The following RNF150 variants were observed in gnomAD, a reference collection of about 807,000 sequenced individuals.
RNF150 encodes ring finger protein 150.
RNF150 carries 24 observed loss-of-function variants against 39.3 expected under a neutral mutation model. That is an observed-to-expected ratio of 0.61 (90% CI 0.44 to 0.86). The LOEUF (loss-of-function observed/expected upper bound fraction) is 0.86, where lower values mean the gene tolerates loss of function less well. RNF150 is among the 40% of genes least tolerant of loss of function. The pLI is 0.00. For missense variants in RNF150, 502 were observed against 587.8 expected (o/e 0.85, Z 1.51); for synonymous variants, 255 against 227.3 (o/e 1.12, Z -1.10).
chr4:140,891,557 C>G (rs1045818022), intron 6 of RNF150, among the ~76,000 whole-genome samples: 1 of 152,176 alleles, frequency 6.6e-6, no homozygotes, highest in African/African-American at 2.4e-5. Context: ...ATTCCTCCCC[C>G]TCCTTTAGCA....
At chr4:140,941,067 A>G (rs1732064206) in intron 4 of RNF150, among the ~76,000 whole-genome samples, 2 of 152,226 alleles carry the variant, frequency 1.3e-5, no homozygotes, top group South Asian at 4.1e-4. Context: ...TAAAAGCAAA[A>G]GAAGAAAAAA....
upstream of RNF150, among the ~76,000 whole-genome samples, chr4:141,135,264 A>G (rs1244379967): frequency 6.6e-6 from 1 of 152,260 alleles, no homozygotes; most frequent in Admixed American, 6.5e-5. Context: ...TATATACCAT[A>G]GCTCTCTCCA....
chr4:141,063,229 T>C (rs1737307827), intron 1 of RNF150, among the ~76,000 whole-genome samples: 1 of 152,244 alleles, frequency 6.6e-6, no homozygotes, highest in African/African-American at 2.4e-5. Context: ...TTTTTATTTA[T>C]AGCATATCTT....
chr4:141,212,427 A>G (rs186336173), intron 1 of RNF150, among the ~76,000 whole-genome samples: 1 of 152,282 alleles, frequency 6.6e-6, no homozygotes, highest in Admixed American at 6.5e-5. Context: ...CCACTGCAGA[A>G]TACAGCAGTG....
chr4:140,953,747 A>T (rs114775385), intron 2 of RNF150, among the ~76,000 whole-genome samples: 1,934 of 152,318 alleles, frequency 0.013, 54 homozygotes, highest in African/African-American at 0.044. Context: ...TTTCAATATT[A>T]AAAAAATCTC....
At chr4:141,068,094 C>T (rs528797609) in intron 1 of RNF150, among the ~76,000 whole-genome samples, 7 of 152,098 alleles carry the variant, frequency 4.6e-5, no homozygotes, top group Middle Eastern at 3.4e-3. Flanking sequence ...TCCAAGTATG[C>T]GTCACCATGC....
intron 4 of RNF150, among the ~76,000 whole-genome samples, chr4:140,927,203 T>C (rs1731432863): frequency 6.6e-6 from 1 of 152,142 alleles, no homozygotes; most frequent in African/African-American, 2.4e-5. Context: ...ATTGGCTGCA[T>C]AGAGGATATG....
chr4:140,980,526 T>C (rs1733820640), intron 1 of RNF150, among the ~76,000 whole-genome samples: 1 of 152,114 alleles, frequency 6.6e-6, no homozygotes, highest in African/African-American at 2.4e-5. Flanking sequence ...CCCCCAGATC[T>C]CATCTTGAAT....
At chr4:141,014,211 T>C (rs1046772046) in intron 1 of RNF150, among the ~76,000 whole-genome samples, 5 of 152,338 alleles carry the variant, frequency 3.3e-5, no homozygotes, top group Middle Eastern at 3.4e-3. Context: ...TATGTACATA[T>C]ATGCAATATT....
chr4:140,921,524 A>C (rs941286899), intron 5 of RNF150, among the ~76,000 whole-genome samples: 1 of 152,174 alleles, frequency 6.6e-6, no homozygotes, highest in African/African-American at 2.4e-5. Context: ...TTCACAGCCG[A>C]ATTCTACCAG....
At chr4:141,018,704 G>T (rs1735371357) in intron 1 of RNF150, among the ~76,000 whole-genome samples, 1 of 151,998 alleles carries the variant, frequency 6.6e-6, no homozygotes. Context: ...GCTCAGAAAG[G>T]GTCCCCAGCT....
At chr4:141,207,312 C>T (rs1337342655) in intron 1 of RNF150, among the ~76,000 whole-genome samples, 1 of 151,978 alleles carries the variant, frequency 6.6e-6, no homozygotes, top group Non-Finnish European at 1.5e-5. Context: ...TTGCATGAGC[C>T]CTTAAAAGCA....
chr4:141,106,429 T>C (rs1209708715), intron 1 of RNF150, among the ~76,000 whole-genome samples: 1 of 152,216 alleles, frequency 6.6e-6, no homozygotes, highest in African/African-American at 2.4e-5. Flanking sequence ...GTTTGAGTCC[T>C]AGCTAGGCTA....
chr4:141,009,990 G>C (rs1735017029), intron 1 of RNF150, among the ~76,000 whole-genome samples: 1 of 152,190 alleles, frequency 6.6e-6, no homozygotes, highest in African/African-American at 2.4e-5. Context: ...GGATGCCTGT[G>C]AGAAATGTTA....
rs151219063 is a variant in RNF150, at chr4:141,023,865, C to T, written c.485-55992G>A. On this transcript the variant is annotated intron_variant, in intron 1 of 6. Transcript: ENST00000515673. ...AAAATGTTCTTATGCTTCATCCATA[C>T]ATTCAATCACTCATTTAACATGTAT... Among the ~76,000 whole-genome samples the T allele has an allele frequency of 5.6e-3, 846 of 152,266 alleles. 10 individuals carry two copies. Among genetic ancestry groups the T allele is most frequent in the African/African-American group, 0.015 (618 of 41,560 alleles).
chr4:141,052,643 T>C (rs1736821627), intron 1 of RNF150, among the ~76,000 whole-genome samples: 1 of 152,196 alleles, frequency 6.6e-6, no homozygotes, highest in Admixed American at 6.5e-5. Context: ...CCCAAAGTGC[T>C]GGGATTATAA....
chr4:141,207,014 C>T (rs1302053479), intron 1 of RNF150, among the ~76,000 whole-genome samples: 2 of 144,734 alleles, frequency 1.4e-5, no homozygotes, highest in Non-Finnish European at 3.1e-5. Flanking sequence ...AGAAGGCAGC[C>T]AGCCAGTCTC....
intron 4 of RNF150, among the ~76,000 whole-genome samples, chr4:140,932,338 G>A (rs1731681234): frequency 6.6e-6 from 1 of 152,118 alleles, no homozygotes; most frequent in African/African-American, 2.4e-5. Flanking sequence ...ACCAGTTATT[G>A]TATCCCTACT....
At chr4:141,211,765 A>C (rs542704140) in intron 1 of RNF150, among the ~76,000 whole-genome samples, 1 of 152,232 alleles carries the variant, frequency 6.6e-6, no homozygotes, top group South Asian at 2.1e-4. Context: ...AATTAACAGT[A>C]AATGACTTTT....
Sources: allele counts gnomAD v4.1 joint callset (sites outside exome capture counted in the v4.1 genomes callset), GRCh38; gene constraint gnomAD v4.1.1; transcripts MANE v1.5; gene names NCBI Gene and HGNC (gene_info 2026-07-23, HGNC 2026-07-21).